Variants in AFAP1L2 observed in about 807,000 individuals in gnomAD.
The protein encoded by AFAP1L2 is actin filament associated protein 1 like 2, also known as actin filament-associated protein 1-like 2.
In AFAP1L2, 46 loss-of-function variants were observed where a neutral mutation model predicts 99.3. The ratio of observed to expected loss-of-function variants is 0.46; its 90% CI spans 0.37 to 0.59. AFAP1L2 has a LOEUF of 0.59. Ranked by LOEUF, AFAP1L2 falls within the 20% of genes least tolerant of loss-of-function variation. The pLI is 0.00. For synonymous variants in AFAP1L2, 397 were observed against 419.1 expected (o/e 0.95, Z 0.64); for missense variants, 959 against 1,034.9 (o/e 0.93, Z 1.01).
Position 114,352,801 on chromosome 10 carries a change from G to A in AFAP1L2, c.17-12070C>T, listed in dbSNP as rs111711327. 7.6e-3 allele frequency among the ~76,000 whole-genome samples: 1,163 copies of A among 152,314 alleles called. 15 individuals carry two copies. Among genetic ancestry groups the A allele is most frequent in the African/African-American group, 0.027 (1,122 of 41,576 alleles). On this transcript the variant is annotated intron_variant, in intron 1 of 18. Coordinates refer to ENST00000304129, the MANE Select transcript of AFAP1L2 (RefSeq NM_001001936.3). ...TTTTTCTCCATCCTTCTGCCTGTCT[G>A]CCCCCTTTCCACTGCTCCGACAGCC...
downstream of AFAP1L2, among the ~76,000 whole-genome samples, chr10:114,293,688 G>A (rs1174798460): frequency 6.6e-6 from 1 of 151,958 alleles, no homozygotes; most frequent in Non-Finnish European, 1.5e-5. Context: ...TTGCATATAG[G>A]CCATAAATTT....
At chr10:114,351,061 C>T (rs971929609) in intron 1 of AFAP1L2, among the ~76,000 whole-genome samples, 1 of 152,186 alleles carries the variant, frequency 6.6e-6, no homozygotes, top group African/African-American at 2.4e-5. Context: ...CGGCAAGTCC[C>T]ACAACCAGCA....
In AFAP1L2 at chr10:114,310,460, GC is replaced by G. The variant is rs771123367; in HGVS notation, c.793-18del. Reference sequence around the variant, plus strand: ...CTGGATGACCTGAGGCAAGAGGGAAGCCGTCAGCAGAGGCTGAGGTCCTCTG... The same window carrying G: ...CTGGATGACCTGAGGCAAGAGGGAAGCGTCAGCAGAGGCTGAGGTCCTCTG... On this transcript the variant is annotated intron_variant, in intron 7 of 18. Transcript: ENST00000304129. 4 of 1,610,172 alleles carry G rather than the reference GC, an allele frequency of 2.5e-6. No individual in the cohort carries two copies. The highest frequency in any genetic ancestry group is 3.4e-6 in the Non-Finnish European group (4 of 1,178,212).
At chr10:114,351,915 T>C (rs1334160068) in intron 1 of AFAP1L2, among the ~76,000 whole-genome samples, 3 of 152,218 alleles carry the variant, frequency 2.0e-5, no homozygotes, top group East Asian at 1.9e-4. Flanking sequence ...CTGCACCATA[T>C]ACTGGCTGTG....
chr10:114,346,263 C>T (rs2049553023), intron 1 of AFAP1L2, among the ~76,000 whole-genome samples: 1 of 152,176 alleles, frequency 6.6e-6, no homozygotes, highest in South Asian at 2.1e-4. Flanking sequence ...CAGCGGCACT[C>T]AGCTCTCTTG....
At chr10:114,360,508 G>GA (rs58099659) in intron 1 of AFAP1L2, among the ~76,000 whole-genome samples, 25,677 of 115,988 alleles carry the variant, frequency 0.22, 2,462 homozygotes, top group Middle Eastern at 0.3. Flanking sequence ...TAGATAGATA[G>GA]TTAGATAGAT....
intron 1 of AFAP1L2, among the ~76,000 whole-genome samples, chr10:114,392,166 G>T (rs1338956008): frequency 6.6e-6 from 1 of 152,126 alleles, no homozygotes; most frequent in South Asian, 2.1e-4. Flanking sequence ...CAGGAGGATT[G>T]CTTGAAGCCA....
intron 1 of AFAP1L2, among the ~76,000 whole-genome samples, chr10:114,399,129 G>A (rs2058014005): frequency 6.6e-6 from 1 of 152,220 alleles, no homozygotes. Flanking sequence ...TATGCAGCTG[G>A]CAGTGTGCCA....
chr10:114,366,161 A>C (rs2053217892), intron 1 of AFAP1L2, among the ~76,000 whole-genome samples: 1 of 152,216 alleles, frequency 6.6e-6, no homozygotes, highest in Admixed American at 6.5e-5. Flanking sequence ...TTAATTACAG[A>C]GAAGAGCTGT....
intron 1 of AFAP1L2, chr10:114,363,156 A>ACTGGGGAAACGGGTTCCTGGG: frequency 4.1e-6 from 4 of 985,422 alleles, no homozygotes; most frequent in Non-Finnish European, 4.8e-6. Flanking sequence ...TAAGCAGCAA[A>ACTGGGGAAACGGGTTCCTGGG]CTGGGGAAAC....
intron 2 of AFAP1L2, 81 bp from the exon 3 acceptor site, chr10:114,333,376 G>T: frequency 8.7e-7 from 1 of 1,143,144 alleles, no homozygotes; most frequent in Non-Finnish European, 1.3e-6. Context: ...TTACTCCAGA[G>T]CTGTTTTCAT....
chr10:114,286,587 T>A, the AFAP1L2 span: 1 of 1,299,396 alleles, frequency 7.7e-7, no homozygotes, highest in Non-Finnish European at 1.0e-6. Context: ...CACCTAACCA[T>A]CATTTTCTGC....
Position 114,300,577 on chromosome 10 carries a change from A to G in AFAP1L2, c.1656T>C (p.Ser552=). The G allele has an allele frequency of 4.3e-6, 7 of 1,614,164 alleles. No individual in the cohort carries two copies. The highest frequency in any genetic ancestry group is 5.9e-6 in the Non-Finnish European group (7 of 1,180,030). ...PVKSFLHGPS[S]AQAQASSPTL... ...TCGGGGAGGAGGCCTGGGCCTGTGC[A>G]CTGCTGGGGCCATGCAGAAAGGACT... Residue 552 remains serine (S), a synonymous_variant, in exon 14 of 19, where the codon AGT becomes AGC. Coordinates refer to ENST00000304129, the MANE Select transcript of AFAP1L2 (RefSeq NM_001001936.3).
intron 6 of AFAP1L2, among the ~76,000 whole-genome samples, chr10:114,314,569 A>G (rs1173049982): frequency 6.6e-6 from 1 of 152,246 alleles, no homozygotes; most frequent in Non-Finnish European, 1.5e-5. Context: ...TTGGCTTCCC[A>G]TTTGTAAAAT....
intron 7 of AFAP1L2, among the ~76,000 whole-genome samples, chr10:114,310,830 T>C (rs1167184772): frequency 6.6e-6 from 1 of 152,212 alleles, no homozygotes; most frequent in African/African-American, 2.4e-5. Flanking sequence ...ACTGCCTTGC[T>C]AGACAGTCCT....
intron 1 of AFAP1L2, among the ~76,000 whole-genome samples, chr10:114,378,117 C>G (rs1399551634): frequency 6.6e-6 from 1 of 152,236 alleles, no homozygotes. Context: ...GTGGATTGCT[C>G]TGCTTGCAAG....
intron 12 of AFAP1L2, 46 bp downstream of exon 12, chr10:114,302,293 G>A (rs2041334440): frequency 9.3e-6 from 15 of 1,612,864 alleles, no homozygotes; most frequent in African/African-American, 1.3e-5. Context: ...CCTACAGCAT[G>A]GCCAGGAATA....
intron 1 of AFAP1L2, among the ~76,000 whole-genome samples, chr10:114,392,625 C>T (rs1345244161): frequency 1.3e-5 from 2 of 152,218 alleles, no homozygotes; most frequent in Admixed American, 6.5e-5. Context: ...TCACCAGGAA[C>T]GCTGCCAGCC....
chr10:114,329,444 C>T (rs983855087), intron 4 of AFAP1L2, among the ~76,000 whole-genome samples: 2 of 152,228 alleles, frequency 1.3e-5, no homozygotes, highest in Non-Finnish European at 2.9e-5. Context: ...TCTGCCCCTA[C>T]CCACCAGGTG....
Sources: gnomAD v4.1 joint callset for allele counts (sites outside exome capture counted in the v4.1 genomes callset) on GRCh38, gnomAD v4.1.1 for gene constraint, MANE v1.5 for transcripts, NCBI Gene and HGNC (gene_info 2026-07-23, HGNC 2026-07-21) for gene names.